The following GRM3 variants were observed in gnomAD, a reference collection of about 807,000 sequenced individuals.
GRM3 encodes metabotropic glutamate receptor 3.
Under a neutral mutation model 70.5 loss-of-function variants are expected in GRM3, and 26 were observed. The observed-to-expected ratio is 0.37, with a 90% CI of 0.27 to 0.51. The LOEUF (loss-of-function observed/expected upper bound fraction) is 0.51. Ranked by LOEUF, GRM3 falls within the 20% of genes least tolerant of loss-of-function variation. GRM3 has a pLI of 0.93. For missense variants in GRM3, 859 were observed against 1,123.8 expected (o/e 0.76, Z 3.37); for synonymous variants, 443 against 434.9 (o/e 1.02, Z -0.23).
At chr7:86,797,394 T>A (rs1362853062) in intron 3 of GRM3, among the ~76,000 whole-genome samples, 1 of 152,242 alleles carries the variant, frequency 6.6e-6, no homozygotes, top group Admixed American at 6.5e-5. Context: ...ACTCTTGTTA[T>A]GTTTTAGCAA....
intron 5 of GRM3, among the ~76,000 whole-genome samples, chr7:86,859,243 C>T (rs1382171592): frequency 6.6e-6 from 1 of 152,138 alleles, no homozygotes; most frequent in East Asian, 1.9e-4. Context: ...ATTTCAGGCC[C>T]AACCCACTGC....
At chr7:86,842,558 CTG>C (rs1447971431) in intron 4 of GRM3, among the ~76,000 whole-genome samples, 1 of 152,138 alleles carries the variant, frequency 6.6e-6, no homozygotes, top group Non-Finnish European at 1.5e-5. Flanking sequence ...CAGAACAAGA[CTG>C]AGATTTAAAA....
chr7:86,661,206 T>C (rs929590809), intron 1 of GRM3, among the ~76,000 whole-genome samples: 1 of 152,044 alleles, frequency 6.6e-6, no homozygotes, highest in Non-Finnish European at 1.5e-5. Context: ...ATTCTCTTAG[T>C]AACTAGATTT....
chr7:86,837,136 T>A (rs1183398441), intron 3 of GRM3, among the ~76,000 whole-genome samples: 1 of 152,198 alleles, frequency 6.6e-6, no homozygotes, highest in Admixed American at 6.5e-5. Flanking sequence ...GGGCATATAA[T>A]ATTTATAATA....
chr7:86,737,753 C>G (rs1018908410), intron 1 of GRM3, among the ~76,000 whole-genome samples: 2 of 152,116 alleles, frequency 1.3e-5, no homozygotes, highest in East Asian at 3.8e-4. Context: ...ATTTATATAG[C>G]CTCTGCAGGG....
rs747991407 is a variant in GRM3, at chr7:86,797,769, AATCCCCTCCCATCCCAAC to A, written c.1324+10667_1324+10684del. Among the ~76,000 whole-genome samples, 16 of 152,286 alleles carry A rather than the reference AATCCCCTCCCATCCCAAC, an allele frequency of 1.1e-4. 1 individual carries two copies. The highest frequency in any genetic ancestry group is 1.8e-4 in the Non-Finnish European group (12 of 68,018). ...CAGGACATGTCAGAGACCTTCACAG[AATCCCCTCCCATCCCAAC>A]ATCCCCTCCCATCACAACTCAGAAG... On this transcript the variant is annotated intron_variant, in intron 3 of 5. Transcript: ENST00000361669.
rs1793398505 is a variant in GRM3 at position 86,644,291 on chromosome 7, C to T, written c.-722C>T. 1 of 264,148 alleles carries T rather than the reference C, an allele frequency of 3.8e-6. No individual in the cohort carries two copies. The highest frequency in any genetic ancestry group is 5.1e-5 in the Admixed American group (1 of 19,422). 16.4% of individuals were successfully genotyped at this position (264,148 alleles called of 1,614,324 possible). On this transcript the variant is annotated 5_prime_UTR_variant, in exon 1 of 6. Coordinates refer to ENST00000361669, the MANE Select transcript of GRM3 (RefSeq NM_000840.3). ...TCACTGAAGACTCTGCAGATATACC[C>T]TTATAAGAGGGAGGGTGGGGGAGGG...
At chr7:86,728,441 ACTGT>A (rs1057008015) in intron 1 of GRM3, among the ~76,000 whole-genome samples, 93 of 152,326 alleles carry the variant, frequency 6.1e-4, no homozygotes, top group African/African-American at 2.2e-3. Flanking sequence ...AAAAAGCTTG[ACTGT>A]CTTAAGAACT....
intron 1 of GRM3, among the ~76,000 whole-genome samples, chr7:86,717,187 C>T (rs1770464524): frequency 6.6e-6 from 1 of 151,874 alleles, no homozygotes; most frequent in Admixed American, 6.6e-5. Context: ...TGCTAACTCC[C>T]CATGTAGTTT....
chr7:86,832,996 G>T (rs1287095972), intron 3 of GRM3: 10 of 983,370 alleles, frequency 1.0e-5, no homozygotes, highest in Non-Finnish European at 1.2e-5. Flanking sequence ...CCATCTTCCT[G>T]GTTGTTCTTT....
At chr7:86,796,496 T>C (rs146486389) in intron 3 of GRM3, among the ~76,000 whole-genome samples, 16 of 152,320 alleles carry the variant, frequency 1.1e-4, no homozygotes, top group African/African-American at 3.6e-4. Flanking sequence ...TCAGGTAGCA[T>C]CATGCTGCCA....
chr7:86,809,424 G>A (rs1797865749), intron 3 of GRM3, among the ~76,000 whole-genome samples: 1 of 151,984 alleles, frequency 6.6e-6, no homozygotes, highest in Non-Finnish European at 1.5e-5. Flanking sequence ...GTGATAATAG[G>A]ATATTATTCT....
chr7:86,798,440 T>C (rs1797606953), intron 3 of GRM3, among the ~76,000 whole-genome samples: 1 of 152,224 alleles, frequency 6.6e-6, no homozygotes, highest in Admixed American at 6.5e-5. Flanking sequence ...AAGATTTGAC[T>C]GCCCTACTGG....
intron 1 of GRM3, among the ~76,000 whole-genome samples, chr7:86,665,794 T>C (rs1794010336): frequency 6.6e-6 from 1 of 152,074 alleles, no homozygotes; most frequent in Non-Finnish European, 1.5e-5. Flanking sequence ...GCTTCTTTTA[T>C]GCTGAACTGT....
In GRM3 at chr7:86,664,088, A is replaced by G. The variant is rs139119619; in HGVS notation, c.-141+19216A>G. Among the ~76,000 whole-genome samples the G allele has an allele frequency of 2.2e-3, 340 of 152,128 alleles. 3 individuals are homozygous for G. The highest frequency in any genetic ancestry group is 3.4e-3 in the Middle Eastern group (1 of 294). ...ATTATGTTGAGGGTTGTTCTTATCCAAGAACAACAGAAAATCATTTTAGTA... is the reference window on the plus strand; with the variant it reads ...ATTATGTTGAGGGTTGTTCTTATCCGAGAACAACAGAAAATCATTTTAGTA... On this transcript the variant is annotated intron_variant, in intron 1 of 5. Transcript: ENST00000361669.
Position 86,786,363 on chromosome 7 carries a change from G to T in GRM3, c.571G>T (p.Val191Leu). The T allele has an allele frequency of 6.2e-7, 1 of 1,614,112 alleles. No individual in the cohort carries two copies. Among genetic ancestry groups the T allele is most frequent in the Non-Finnish European group, 8.5e-7 (1 of 1,180,012 alleles). ...GCGCTATGATTACTTTGCCAGGACC[G>T]TGCCCCCCGACTTCTACCAGGCCAA... ...KSRYDYFART[V>L]PPDFYQAKAM... The change falls in exon 3 of 6, where the codon GTG becomes TTG. Residue 191 changes from valine to leucine, a missense_variant. Transcript: ENST00000361669. The surrounding 1 kb of genome is among the most constrained non-coding windows in gnomAD (Gnocchi z 6.0).
chr7:86,667,519 TC>T (rs1562819137), intron 1 of GRM3, among the ~76,000 whole-genome samples: 1 of 152,104 alleles, frequency 6.6e-6, no homozygotes, highest in Non-Finnish European at 1.5e-5. Context: ...GACTAAGTTT[TC>T]AACATAGTCA....
At chr7:86,749,958 C>A (rs1055099410) in intron 1 of GRM3, among the ~76,000 whole-genome samples, 2 of 151,888 alleles carry the variant, frequency 1.3e-5, no homozygotes, top group Non-Finnish European at 2.9e-5. Context: ...TTAAGTTTGC[C>A]CCTAAGCTAG....
chr7:86,831,793 TAAAAAAAAAA>T (rs35888996), intron 3 of GRM3, among the ~76,000 whole-genome samples: 2 of 113,982 alleles, frequency 1.8e-5, no homozygotes, highest in African/African-American at 6.6e-5. Flanking sequence ...ATAGCACCGT[TAAAAAAAAAA>T]AAAAAAAAAA....
Sources: gnomAD v4.1 joint callset for allele counts (sites outside exome capture counted in the v4.1 genomes callset) on GRCh38, gnomAD v4.1.1 for gene constraint, Gnocchi (gnomAD v3.1) non-coding constraint, MANE v1.5 for transcripts, NCBI Gene and HGNC (gene_info 2026-07-23, HGNC 2026-07-21) for gene names.